Variants in PAPPA2 observed in about 807,000 individuals in gnomAD.
The protein encoded by PAPPA2 is pappalysin-2.
PAPPA2 carries 86 observed loss-of-function variants against 176.4 expected under a neutral mutation model. The ratio of observed to expected loss-of-function variants is 0.49; its 90% CI spans 0.41 to 0.58. The LOEUF (loss-of-function observed/expected upper bound fraction) is 0.58. PAPPA2 is among the 20% of genes least tolerant of loss of function. The pLI, the probability that PAPPA2 is intolerant of heterozygous loss-of-function variation, is 0.00. For synonymous variants in PAPPA2, 809 were observed against 852.2 expected (o/e 0.95, Z 0.88); for missense variants, 2,073 against 2,256.9 (o/e 0.92, Z 1.65).
chr1:176,652,499 A>G (rs1338340227), intron 3 of PAPPA2, among the ~76,000 whole-genome samples: 1 of 151,686 alleles, frequency 6.6e-6, no homozygotes, highest in African/African-American at 2.4e-5. Flanking sequence ...GTAGTGTGGG[A>G]AAACTGGCTA....
At chr1:176,579,859 G>A (rs1008775977) in intron 2 of PAPPA2, among the ~76,000 whole-genome samples, 2 of 152,164 alleles carry the variant, frequency 1.3e-5, no homozygotes, top group African/African-American at 4.8e-5. Flanking sequence ...AGTGGCACGT[G>A]TGCAGCATTT....
rs1425429667 is a variant in PAPPA2 at position 176,682,415 on chromosome 1, C to G, written c.2138-7722C>G. 2.0e-5 allele frequency among the ~76,000 whole-genome samples: 3 copies of G among 152,098 alleles called. No homozygotes were observed. The East Asian group carries it at 5.8e-4, about 29-fold the overall frequency. ...CAGTCTACAACCTGATGGACTGTACCTTGTCATTGACAAGGTAGTAGCTTT... is the reference window on the plus strand; with the variant it reads ...CAGTCTACAACCTGATGGACTGTACGTTGTCATTGACAAGGTAGTAGCTTT... On this transcript the variant is annotated intron_variant, in intron 4 of 22. Transcript: ENST00000367662.
At chr1:176,654,911 T>C (rs1657943000) in intron 3 of PAPPA2, among the ~76,000 whole-genome samples, 1 of 151,864 alleles carries the variant, frequency 6.6e-6, no homozygotes, top group African/African-American at 2.4e-5. Flanking sequence ...GATTTGGGTA[T>C]GATAATTTTG....
intron 1 of PAPPA2, among the ~76,000 whole-genome samples, chr1:176,514,972 G>C (rs1044554831): frequency 1.3e-5 from 2 of 152,178 alleles, no homozygotes; most frequent in African/African-American, 4.8e-5. Flanking sequence ...TTGAGGAAGA[G>C]ATCACAGTGA....
intron 21 of PAPPA2, among the ~76,000 whole-genome samples, chr1:176,802,707 C>A (rs530181239): frequency 6.6e-6 from 1 of 152,228 alleles, no homozygotes; most frequent in South Asian, 2.1e-4. Flanking sequence ...GGGTGGAGTG[C>A]CTCATTCATT....
chr1:176,660,334 G>T (rs1573209798), intron 3 of PAPPA2, among the ~76,000 whole-genome samples: 1 of 137,642 alleles, frequency 7.3e-6, no homozygotes, highest in East Asian at 2.0e-4. Flanking sequence ...GTAATTGTTT[G>T]TTTGTGTGTG....
chr1:176,773,719 A>G (rs1242127140), intron 17 of PAPPA2, among the ~76,000 whole-genome samples: 2 of 152,216 alleles, frequency 1.3e-5, no homozygotes, highest in Non-Finnish European at 2.9e-5. Context: ...TACACATGCT[A>G]TGTATTTTCA....
In PAPPA2 at chr1:176,658,853, G is replaced by A. The variant is rs781118396; in HGVS notation, c.1992-12117G>A. On this transcript the variant is annotated intron_variant, in intron 3 of 22. Transcript: ENST00000367662. ...CACCAGTTTTGATGTTGTACAGGGTGGACTAGAATGGATGTGATATTAGAG... is the reference window on the plus strand; with the variant it reads ...CACCAGTTTTGATGTTGTACAGGGTAGACTAGAATGGATGTGATATTAGAG... Among the ~76,000 whole-genome samples the A allele has an allele frequency of 1.4e-4, 21 of 151,934 alleles. 1 individual carries two copies. Among genetic ancestry groups the A allele is most frequent in the Admixed American group, 7.2e-4 (11 of 15,230 alleles).
chr1:176,690,477 C>A, intron 5 of PAPPA2, 47 bp downstream of exon 5: 2 of 1,587,270 alleles, frequency 1.3e-6, no homozygotes, highest in Non-Finnish European at 1.7e-6. Context: ...TACATGGGGG[C>A]CTTTGAGAGC....
At chr1:176,829,238 A>G (rs1451721244) in intron 21 of PAPPA2, among the ~76,000 whole-genome samples, 3 of 152,032 alleles carry the variant, frequency 2.0e-5, no homozygotes, top group Non-Finnish European at 2.9e-5. Flanking sequence ...TTGCTGAGAA[A>G]GAGAGGGAAG....
chr1:176,555,399 C>CT lies in PAPPA2; in HGVS notation c.-916-6dup, dbSNP rs772042912. 6.6e-6 allele frequency: 1 copy of CT among 152,322 alleles called. No individual in the cohort carries two copies. The highest frequency in any genetic ancestry group is 1.9e-4 in the East Asian group (1 of 5,198). 9.4% of individuals were successfully genotyped at this position (152,322 alleles called of 1,614,324 possible). On this transcript the variant is annotated splice_polypyrimidine_tract_variant and splice_region_variant and intron_variant, in intron 1 of 22. Transcript: ENST00000367662. Reference sequence around the variant, plus strand: ...CTCTTCTTTTTGCTCTTTTCCCGATCTTCCCAGGAACCCACAAGACTCCCA... The same window carrying CT: ...CTCTTCTTTTTGCTCTTTTCCCGATCTTTCCCAGGAACCCACAAGACTCCCA...
intron 3 of PAPPA2, among the ~76,000 whole-genome samples, chr1:176,612,018 C>T (rs2102678986): frequency 6.6e-6 from 1 of 152,164 alleles, no homozygotes; most frequent in Non-Finnish European, 1.5e-5. Flanking sequence ...GCAGGTAGGA[C>T]TTAAATTGGA....
At chr1:176,793,860 C>T (rs906888849) in intron 20 of PAPPA2, among the ~76,000 whole-genome samples, 191 bp downstream of exon 20, 7 of 152,122 alleles carry the variant, frequency 4.6e-5, no homozygotes, top group Non-Finnish European at 7.3e-5. Flanking sequence ...AAGATATCCG[C>T]CGAGGTGGGC....
rs757435249 is a variant in PAPPA2, at chr1:176,769,683, C to T, written c.4400C>T (p.Pro1467Leu). Reference protein sequence around the residue: ...VSCLPVDCGVPDPSLVNYANF... With the variant: ...VSCLPVDCGVLDPSLVNYANF... ...TGCCTTCCCGTGGACTGCGGTGTTCCCGACCCGTCTTTGGTGAACTATGCA... is the reference window on the plus strand; with the variant it reads ...TGCCTTCCCGTGGACTGCGGTGTTCTCGACCCGTCTTTGGTGAACTATGCA... The change falls in exon 16 of 23, where the codon CCC (proline) becomes CTC (leucine). Residue 1467 changes from proline (P) to leucine (L), a missense_variant. Transcript: ENST00000367662. The T allele has an allele frequency of 6.2e-7, 1 of 1,613,998 alleles. No homozygotes were observed. The highest frequency in any genetic ancestry group is 1.1e-5 in the South Asian group (1 of 91,056).
intron 1 of PAPPA2, among the ~76,000 whole-genome samples, chr1:176,494,081 A>T (rs1007611519): frequency 6.6e-6 from 1 of 152,236 alleles, no homozygotes; most frequent in Non-Finnish European, 1.5e-5. Flanking sequence ...AGCTATGGGT[A>T]TGTCTGAACA....
At chr1:176,723,027 C>T (rs1331158528) in intron 12 of PAPPA2, among the ~76,000 whole-genome samples, 1 of 152,136 alleles carries the variant, frequency 6.6e-6, no homozygotes, top group Non-Finnish European at 1.5e-5. Flanking sequence ...AGTCTAAGAG[C>T]ATGGTGCTGG....
intron 1 of PAPPA2, among the ~76,000 whole-genome samples, chr1:176,484,699 G>A (rs747011591): frequency 1.9e-4 from 29 of 152,050 alleles, no homozygotes; most frequent in Non-Finnish European, 3.1e-4. Context: ...CTTCTTGGTC[G>A]TTTCTTAAAA....
chr1:176,583,900 A>T (rs1653131325), intron 2 of PAPPA2, among the ~76,000 whole-genome samples: 1 of 152,164 alleles, frequency 6.6e-6, no homozygotes, highest in African/African-American at 2.4e-5. Flanking sequence ...ACTAAAAATT[A>T]AAAAATTAGG....
intron 4 of PAPPA2, among the ~76,000 whole-genome samples, chr1:176,682,661 T>C (rs1256689905): frequency 1.3e-5 from 2 of 152,082 alleles, no homozygotes; most frequent in Non-Finnish European, 2.9e-5. Context: ...AAAATAAAGA[T>C]TCACTTCTCT....
Sources: allele counts gnomAD v4.1 joint callset (sites outside exome capture counted in the v4.1 genomes callset), GRCh38; gene constraint gnomAD v4.1.1; transcripts MANE v1.5; gene names NCBI Gene and HGNC (gene_info 2026-07-23, HGNC 2026-07-21).